The following CCDC141 variants were observed in gnomAD, a reference collection of about 807,000 sequenced individuals.
CCDC141 encodes coiled-coil domain containing 141.
Under a neutral mutation model 181.0 loss-of-function variants are expected in CCDC141, and 168 were observed. The ratio of observed to expected loss-of-function variants is 0.93; its 90% CI spans 0.82 to 1.05. CCDC141 has a LOEUF of 1.05. Among genes scored for constraint, CCDC141 ranks in the 50% least tolerant of loss-of-function variants. CCDC141 has a pLI of 0.00. For missense variants in CCDC141, 1,902 were observed against 1,788.5 expected, an observed-to-expected ratio of 1.06 and a Z score of -1.14; for synonymous variants, 666 against 642.3, an observed-to-expected ratio of 1.04 and a Z score of -0.56.
the CCDC141 span, among the ~76,000 whole-genome samples, chr2:178,821,968 T>A: frequency 7.1e-4 from 108 of 152,296 alleles, no homozygotes; most frequent in Non-Finnish European, 1.2e-3. Flanking sequence ...GTATGTTTAT[T>A]GTGGCACTAT....
chr2:178,857,209 T>C (rs974430498), intron 17 of CCDC141, among the ~76,000 whole-genome samples: 2 of 152,192 alleles, frequency 1.3e-5, no homozygotes, highest in Non-Finnish European at 2.9e-5. Context: ...TATACATTTA[T>C]TAAGGCTCCA....
chr2:179,033,565 G>A (rs945337580), intron 2 of CCDC141, among the ~76,000 whole-genome samples: 2 of 152,064 alleles, frequency 1.3e-5, no homozygotes, highest in African/African-American at 4.8e-5. Context: ...CAGACATATT[G>A]AAGACTGGGA....
intron 2 of CCDC141, among the ~76,000 whole-genome samples, chr2:178,980,898 G>C (rs574353793): frequency 6.6e-6 from 1 of 152,214 alleles, no homozygotes; most frequent in South Asian, 2.1e-4. Context: ...AAAGGTAAAT[G>C]GACAGAGAAA....
At chr2:178,868,986 G>T (rs1040900299) in intron 15 of CCDC141, 131 bp downstream of exon 15, 3 of 553,364 alleles carry the variant, frequency 5.4e-6, no homozygotes, top group Non-Finnish European at 5.8e-6. Flanking sequence ...TGAGAGAAAA[G>T]ATAGGGGCCA....
chr2:179,011,723 C>T (rs1039938674), intron 2 of CCDC141, among the ~76,000 whole-genome samples: 6 of 152,150 alleles, frequency 3.9e-5, no homozygotes, highest in African/African-American at 1.4e-4. Flanking sequence ...ATATGATAGG[C>T]CATAAAACGA....
At chr2:179,033,310 ATATTG>A (rs1284401482) in intron 2 of CCDC141, among the ~76,000 whole-genome samples, 2 of 152,010 alleles carry the variant, frequency 1.3e-5, no homozygotes, top group African/African-American at 2.4e-5. Flanking sequence ...ATTATTTTAT[ATATTG>A]TAAGTCATCT....
intron 1 of CCDC141, among the ~76,000 whole-genome samples, chr2:179,048,568 T>A (rs2043575593): frequency 6.6e-6 from 1 of 152,234 alleles, no homozygotes. Context: ...GTTAACTTTT[T>A]GAAAAATAGT....
intron 2 of CCDC141, among the ~76,000 whole-genome samples, chr2:178,982,889 G>A (rs983253157): frequency 6.6e-6 from 1 of 152,222 alleles, no homozygotes; most frequent in Non-Finnish European, 1.5e-5. Context: ...GGCTGGGGGA[G>A]GGGCTCCCAC....
chr2:179,004,545 G>C (rs77807685), intron 2 of CCDC141, among the ~76,000 whole-genome samples: 1,723 of 152,114 alleles, frequency 0.011, 26 homozygotes, highest in African/African-American at 0.04. Context: ...TTGTCAATTT[G>C]ATTCTAATTC....
In CCDC141 at chr2:179,050,019, G is replaced by A. The variant is rs185107514; in HGVS notation, c.-78C>T. Reference sequence around the variant, plus strand: ...TCTGCTGGTCATTTCAGAAGGCCAGGGTTACTTGGATTCATTCAGGGAAAG... The same window carrying A: ...TCTGCTGGTCATTTCAGAAGGCCAGAGTTACTTGGATTCATTCAGGGAAAG... On this transcript the variant is annotated 5_prime_UTR_variant, in exon 1 of 24. Coordinates refer to ENST00000443758, the MANE Select transcript of CCDC141 (RefSeq NM_173648.4). 2.1e-3 allele frequency: 3,279 copies of A among 1,539,726 alleles called. 6 individuals are homozygous for A. Among genetic ancestry groups the A allele is most frequent in the Non-Finnish European group, 2.5e-3 (2,891 of 1,141,070 alleles).
chr2:178,903,038 A>C (rs1193310399), intron 8 of CCDC141, among the ~76,000 whole-genome samples: 3 of 150,442 alleles, frequency 2.0e-5, no homozygotes, highest in Non-Finnish European at 4.4e-5. Flanking sequence ...AGAGAAATGC[A>C]AGCCAAAACC....
At chr2:178,884,239 G>GAA (rs59431193) in intron 11 of CCDC141, among the ~76,000 whole-genome samples, 14,833 of 113,438 alleles carry the variant, frequency 0.13, 1,659 homozygotes, top group East Asian at 0.66. Flanking sequence ...ATAATGTGAA[G>GAA]AAAAAAAAAA....
At chr2:178,845,565 A>G in intron 22 of CCDC141, 61 bp downstream of exon 22, 1 of 889,234 alleles carries the variant, frequency 1.1e-6, no homozygotes, top group Non-Finnish European at 1.9e-6. Flanking sequence ...TTTGCAATGG[A>G]CAATGACTTT....
At chr2:179,030,742 T>C (rs980830602) in intron 2 of CCDC141, among the ~76,000 whole-genome samples, 1 of 152,096 alleles carries the variant, frequency 6.6e-6, no homozygotes, top group Non-Finnish European at 1.5e-5. Flanking sequence ...TTTGAAAATA[T>C]GACATTAGGA....
intron 2 of CCDC141, among the ~76,000 whole-genome samples, chr2:179,016,620 A>G (rs890912916): frequency 6.6e-6 from 1 of 152,180 alleles, no homozygotes; most frequent in African/African-American, 2.4e-5. Context: ...GTATGCTTTT[A>G]CTAACTATTG....
At chr2:178,926,184 A>G (rs1296201397) in intron 6 of CCDC141, among the ~76,000 whole-genome samples, 3 of 152,132 alleles carry the variant, frequency 2.0e-5, no homozygotes, top group Non-Finnish European at 4.4e-5. Flanking sequence ...GAAGCATTTT[A>G]TTTGCAATCA....
chr2:178,915,303 A>G (rs1688396773), intron 7 of CCDC141, among the ~76,000 whole-genome samples: 1 of 152,226 alleles, frequency 6.6e-6, no homozygotes, highest in South Asian at 2.1e-4. Context: ...AAAATTACTA[A>G]GTCTATTCTG....
chr2:178,820,762 A>T, the CCDC141 span, among the ~76,000 whole-genome samples: 232 of 152,314 alleles, frequency 1.5e-3, no homozygotes, highest in Non-Finnish European at 2.7e-3. Context: ...AAATAATTTG[A>T]CTTAATGTCT....
intron 7 of CCDC141, among the ~76,000 whole-genome samples, chr2:178,909,230 T>C (rs1688115432): frequency 6.7e-6 from 1 of 148,520 alleles, no homozygotes; most frequent in Admixed American, 6.7e-5. Flanking sequence ...GGGAATGATA[T>C]ATCAAGGACA....
Sources: allele counts gnomAD v4.1 joint callset (sites outside exome capture counted in the v4.1 genomes callset), GRCh38; gene constraint gnomAD v4.1.1; transcripts MANE v1.5; gene names NCBI Gene and HGNC (gene_info 2026-07-23, HGNC 2026-07-21).